UBR3: variants seen among roughly 807,000 people sequenced by gnomAD.
UBR3 encodes the protein ubiquitin protein ligase E3 component n-recognin 3.
UBR3 carries 85 observed loss-of-function variants against 243.2 expected under a neutral mutation model. The observed-to-expected ratio is 0.35, with a 90% CI of 0.29 to 0.42. UBR3 has a LOEUF of 0.42. UBR3 is among the 10% of genes least tolerant of loss of function. UBR3 has a pLI of 1.00. For synonymous variants in UBR3, 748 were observed against 799.8 expected (o/e 0.94, Z 1.09); for missense variants, 1,686 against 2,300.8 (o/e 0.73, Z 5.47).
intron 5 of UBR3, among the ~76,000 whole-genome samples, chr2:169,886,976 G>A (rs1227738707): frequency 6.6e-6 from 1 of 151,972 alleles, no homozygotes; most frequent in Non-Finnish European, 1.5e-5. Flanking sequence ...TATTCTTTGA[G>A]TATTGTTGTA....
intron 8 of UBR3, among the ~76,000 whole-genome samples, chr2:169,899,772 T>TA (rs928852479): frequency 2.0e-5 from 3 of 152,172 alleles, no homozygotes; most frequent in Admixed American, 2.0e-4. Flanking sequence ...GTCCTTGTGA[T>TA]AGTTTGCTGA....
rs115411519 is a variant in UBR3, at chr2:169,908,648, G to A, written c.1779+2484G>A. Among the ~76,000 whole-genome samples, 357 of 152,188 alleles carry A rather than the reference G, an allele frequency of 2.3e-3. 2 individuals are homozygous for A. Among genetic ancestry groups the A allele is most frequent in the African/African-American group, 8.3e-3 (346 of 41,502 alleles). On this transcript the variant is annotated intron_variant, in intron 10 of 38. Coordinates refer to ENST00000272793, the MANE Select transcript of UBR3 (RefSeq NM_172070.4). ...TAAGTGCTCTTTGGGAAAATAACAG[G>A]TTGTTATGAGGGAGAGTAATGAGTA... is the stretch of plus-strand genomic sequence containing the variant.
chr2:170,025,889 G>C (rs935063016), intron 30 of UBR3, among the ~76,000 whole-genome samples: 1 of 152,100 alleles, frequency 6.6e-6, no homozygotes, highest in Non-Finnish European at 1.5e-5. Flanking sequence ...CACTCAAATA[G>C]GAATTTTAAA....
At chr2:169,983,799 T>G (rs2088871911) in intron 24 of UBR3, among the ~76,000 whole-genome samples, 1 of 152,204 alleles carries the variant, frequency 6.6e-6, no homozygotes, top group East Asian at 1.9e-4. Context: ...ACAGATAAAT[T>G]AACTATTGCT....
At chr2:169,977,650 T>C (rs1419854208) in intron 24 of UBR3, among the ~76,000 whole-genome samples, 7 of 152,146 alleles carry the variant, frequency 4.6e-5, no homozygotes, top group Non-Finnish European at 1.0e-4. Context: ...TCTGCCTGCT[T>C]TGTTCTAGCT....
chr2:169,912,902 T>C (rs533965737), intron 10 of UBR3, among the ~76,000 whole-genome samples: 1 of 152,052 alleles, frequency 6.6e-6, no homozygotes, highest in South Asian at 2.1e-4. Flanking sequence ...CACCTCAGCC[T>C]CCCTCCCAAG....
At chr2:169,893,415 A>G (rs1006052149) in intron 6 of UBR3, among the ~76,000 whole-genome samples, 1 of 152,232 alleles carries the variant, frequency 6.6e-6, no homozygotes, top group Non-Finnish European at 1.5e-5. Flanking sequence ...GATTAATAGT[A>G]CTAGTTTTAT....
intron 1 of UBR3, among the ~76,000 whole-genome samples, chr2:169,858,379 T>TTTTTTA (rs1559028900): frequency 6.6e-6 from 1 of 152,140 alleles, no homozygotes; most frequent in Admixed American, 6.5e-5. Context: ...TTTGAAAAGC[T>TTTTTTA]TTTTTATTTT....
At chr2:169,940,309 CT>C (rs1302509196) in intron 19 of UBR3, among the ~76,000 whole-genome samples, 1 of 152,026 alleles carries the variant, frequency 6.6e-6, no homozygotes, top group Non-Finnish European at 1.5e-5. Flanking sequence ...TGGCCCACAA[CT>C]TTTTCTATAT....
At position 169,895,230 on chromosome 2, in the gene UBR3, A is replaced by G. The variant is rs535452459; in HGVS notation, c.1155A>G (p.Leu385=). The G allele has an allele frequency of 2.6e-6, 4 of 1,541,970 alleles. No homozygotes were observed. The highest frequency in any genetic ancestry group is 1.4e-5 in the African/African-American group (1 of 72,374). ...AGCATAAAAGCTTCCTAGAAGAACT[A>G]TTATTTTGGACTATAAAATATGAAT... ...VLKHKSFLEE[L]LFWTIKYEFP... The change falls in exon 7 of 39, where the codon CTA becomes CTG. Residue 385 remains leucine, a synonymous_variant. Transcript: ENST00000272793.
At chr2:169,878,731 CATAATGGCTTCTGGGAAGCCT>C (rs1405382387) in intron 5 of UBR3, among the ~76,000 whole-genome samples, 157 bp downstream of exon 5, 2 of 152,090 alleles carry the variant, frequency 1.3e-5, no homozygotes, top group African/African-American at 4.8e-5. Flanking sequence ...CACTGAAGCC[CATAATGGCTTCTGGGAAGCCT>C]AGATCACACA....
intron 30 of UBR3, among the ~76,000 whole-genome samples, chr2:170,020,012 A>T (rs983101651): frequency 6.6e-6 from 1 of 152,180 alleles, no homozygotes; most frequent in South Asian, 2.1e-4. Context: ...AGTTTTTGGC[A>T]TCAAGCAATC....
intron 1 of UBR3, among the ~76,000 whole-genome samples, chr2:169,842,415 A>C (rs1426881066): frequency 6.6e-6 from 1 of 152,202 alleles, no homozygotes; most frequent in African/African-American, 2.4e-5. Context: ...AGATAAGAGA[A>C]TAAAAGCAGG....
rs2091912405 is a variant in UBR3 at position 170,081,799 on chromosome 2, G to A, written c.5623G>A (p.Asp1875Asn). The change falls in exon 39 of 39, where the codon GAT becomes AAT. Residue 1875 changes from aspartate to asparagine, a missense_variant. Asp to Asn is a conservative substitution (Grantham distance 23, BLOSUM62 1). Coordinates refer to ENST00000272793, the MANE Select transcript of UBR3 (RefSeq NM_172070.4). Reference sequence around the variant, plus strand: ...GCAACAGTGGATTTCTCATACTTTTGATCACATCAATAAAAGATGGGGTCC... The same window carrying A: ...GCAACAGTGGATTTCTCATACTTTTAATCACATCAATAAAAGATGGGGTCC... ...LEQQWISHTF[D>N]HINKRWGPHY... 2.5e-6 allele frequency: 4 copies of A among 1,607,082 alleles called. No homozygotes were observed. The highest frequency in any genetic ancestry group is 1.3e-5 in the African/African-American group (1 of 74,464).
At chr2:169,995,255 G>A (rs1445577630) in intron 26 of UBR3, among the ~76,000 whole-genome samples, 4 of 152,078 alleles carry the variant, frequency 2.6e-5, no homozygotes, top group African/African-American at 9.7e-5. Context: ...GCTCTTTAAC[G>A]ATTTTCACTT....
intron 1 of UBR3, among the ~76,000 whole-genome samples, chr2:169,842,804 G>A (rs777891259): frequency 2.0e-5 from 3 of 152,184 alleles, no homozygotes; most frequent in Admixed American, 6.5e-5. Flanking sequence ...GAGGGTCCGC[G>A]GCTTCATTCT....
chr2:169,837,322 C>T (rs1472994575), intron 1 of UBR3, among the ~76,000 whole-genome samples: 1 of 152,062 alleles, frequency 6.6e-6, no homozygotes, highest in Admixed American at 6.6e-5. Context: ...ACTAAAAATA[C>T]AAAATTAGCC....
intron 32 of UBR3, among the ~76,000 whole-genome samples, chr2:170,046,195 G>A (rs1473687606): frequency 6.6e-6 from 1 of 152,060 alleles, no homozygotes; most frequent in Non-Finnish European, 1.5e-5. Flanking sequence ...TGAATATCCT[G>A]ACCTTGTGAT....
intron 38 of UBR3, among the ~76,000 whole-genome samples, chr2:170,081,509 A>G (rs1266263131): frequency 6.6e-6 from 1 of 151,934 alleles, no homozygotes; most frequent in African/African-American, 2.4e-5. Flanking sequence ...CAAAAAAGAA[A>G]TAAGTAAATA....
Sources: gnomAD v4.1 joint callset for allele counts (sites outside exome capture counted in the v4.1 genomes callset) on GRCh38, gnomAD v4.1.1 for gene constraint, MANE v1.5 for transcripts, NCBI Gene and HGNC (gene_info 2026-07-23, HGNC 2026-07-21) for gene names.